FBXO36: variants seen among roughly 807,000 people sequenced by gnomAD.
FBXO36 encodes the protein F-box protein 36.
A neutral mutation model predicts 17.0 loss-of-function variants in FBXO36; 18 were observed. The observed-to-expected ratio is 1.06, with a 90% CI of 0.73 to 1.57. The LOEUF (loss-of-function observed/expected upper bound fraction) is 1.57. FBXO36 is among the 40% of genes most tolerant of loss of function. The pLI is 0.00. For missense variants in FBXO36, 229 were observed against 221.9 expected, an observed-to-expected ratio of 1.03 and a Z score of -0.20; for synonymous variants, 83 against 85.3, an observed-to-expected ratio of 0.97 and a Z score of 0.15.
At chr2:229,988,594 G>A (rs536874965) in intron 2 of FBXO36, among the ~76,000 whole-genome samples, 8 of 152,180 alleles carry the variant, frequency 5.3e-5, no homozygotes. Context: ...GAGTGCAGTG[G>A]CGCGATTTCA....
intron 1 of FBXO36, among the ~76,000 whole-genome samples, chr2:229,951,183 T>C (rs1028860690): frequency 3.3e-5 from 5 of 152,170 alleles, no homozygotes; most frequent in African/African-American, 1.2e-4. Flanking sequence ...TCCACCCACC[T>C]CAGCCTCCCA....
intron 1 of FBXO36, among the ~76,000 whole-genome samples, chr2:229,946,365 G>A (rs190316910): frequency 9.2e-5 from 14 of 152,256 alleles, no homozygotes; most frequent in African/African-American, 3.4e-4. Context: ...CTTGGAACAC[G>A]CTTTCCCCAA....
intron 1 of FBXO36, among the ~76,000 whole-genome samples, chr2:229,942,169 C>A (rs1375840957): frequency 6.6e-6 from 1 of 152,090 alleles, no homozygotes; most frequent in African/African-American, 2.4e-5. Context: ...GGCTGGGCCT[C>A]TTTGTCTGGC....
chr2:229,985,730 T>G (rs371315579), intron 2 of FBXO36, among the ~76,000 whole-genome samples: 2 of 152,194 alleles, frequency 1.3e-5, no homozygotes, highest in East Asian at 3.8e-4. Flanking sequence ...ATAATGCACA[T>G]AGTAAAACAA....
intron 2 of FBXO36, among the ~76,000 whole-genome samples, chr2:229,978,724 A>G (rs2077222833): frequency 6.6e-6 from 1 of 151,800 alleles, no homozygotes; most frequent in African/African-American, 2.4e-5. Flanking sequence ...ATCCTTGTGA[A>G]ATAAATATTA....
chr2:229,976,390 ATTAG>A (rs2077208603), intron 2 of FBXO36, 41 bp downstream of exon 2: 2 of 1,343,952 alleles, frequency 1.5e-6, no homozygotes, highest in African/African-American at 1.4e-5. Flanking sequence ...TTAAGTTCTC[ATTAG>A]TTAGTGGTAG....
At chr2:229,944,584 TTC>T (rs1160584630) in intron 1 of FBXO36, among the ~76,000 whole-genome samples, 7 of 132,130 alleles carry the variant, frequency 5.3e-5, no homozygotes, top group East Asian at 2.3e-4. Flanking sequence ...GGTATTTTTT[TTC>T]TTTTTCTTTT....
intron 3 of FBXO36, among the ~76,000 whole-genome samples, chr2:230,000,503 A>C (rs2077352798): frequency 6.6e-6 from 1 of 152,018 alleles, no homozygotes. Context: ...ATTTTCTATC[A>C]AATCCTTCCA....
At chr2:229,931,929 T>TTC (rs1163987472) in intron 1 of FBXO36, among the ~76,000 whole-genome samples, 1 of 151,500 alleles carries the variant, frequency 6.6e-6, no homozygotes, top group African/African-American at 2.4e-5. Flanking sequence ...TATTTTTTTT[T>TTC]TTTTTTAGAC....
chr2:229,930,951 A>G (rs2076935835), intron 1 of FBXO36, among the ~76,000 whole-genome samples: 2 of 152,088 alleles, frequency 1.3e-5, no homozygotes. Flanking sequence ...AGGTGTTTAT[A>G]ATAATAAACT....
chr2:229,995,481 C>T (rs2077320081), intron 2 of FBXO36, among the ~76,000 whole-genome samples: 1 of 151,576 alleles, frequency 6.6e-6, no homozygotes, highest in Admixed American at 6.6e-5. Flanking sequence ...CCTGTCTCTA[C>T]AAAAAAAAAT....
chr2:229,926,536 G>T (rs527531089), intron 1 of FBXO36, among the ~76,000 whole-genome samples: 2 of 151,552 alleles, frequency 1.3e-5, no homozygotes, highest in East Asian at 3.9e-4. Flanking sequence ...TTGAGGTCAG[G>T]AATTCAACAC....
intron 3 of FBXO36, 38 bp downstream of exon 3, chr2:229,996,961 C>T: frequency 6.4e-7 from 1 of 1,569,172 alleles, no homozygotes; most frequent in South Asian, 1.2e-5. Flanking sequence ...TAGAATTTTC[C>T]ATGTGCTTTC....
chr2:229,945,072 A>G (rs1397516903), intron 1 of FBXO36: 2 of 152,192 alleles, frequency 1.3e-5, no homozygotes, highest in Non-Finnish European at 2.9e-5. Flanking sequence ...AATATGATTT[A>G]TGACTATTCT....
At chr2:229,929,027 T>G (rs1301870459) in intron 1 of FBXO36, among the ~76,000 whole-genome samples, 2 of 150,484 alleles carry the variant, frequency 1.3e-5, no homozygotes, top group African/African-American at 2.4e-5. Context: ...CAGGCTGGAG[T>G]GCAGTGGCAT....
At chr2:229,957,581 G>C (rs981753389) in intron 1 of FBXO36, among the ~76,000 whole-genome samples, 1 of 152,076 alleles carries the variant, frequency 6.6e-6, no homozygotes, top group Admixed American at 6.6e-5. Context: ...TCTCCAAAAC[G>C]ATACAAAACA....
chr2:229,965,646 A>G (rs576117871), intron 1 of FBXO36, among the ~76,000 whole-genome samples: 1 of 151,404 alleles, frequency 6.6e-6, no homozygotes, highest in Non-Finnish European at 1.5e-5. Context: ...TGTCCTTGCA[A>G]TAGTTTGCTG....
intron 1 of FBXO36, among the ~76,000 whole-genome samples, chr2:229,950,355 G>A (rs1424707006): frequency 1.3e-5 from 2 of 152,062 alleles, no homozygotes; most frequent in Admixed American, 6.6e-5. Flanking sequence ...GAACCCAGGA[G>A]GCAGAGGTTG....
chr2:230,012,476 C>G lies in FBXO36; in HGVS notation c.*1592C>G, dbSNP rs1483319867. ...AATCTGCTTCCCAGCAGATGAGGAG[C>G]CTGACGTGGTTATGTCTGGATTTAG... is the stretch of plus-strand genomic sequence containing the variant. On this transcript the variant is annotated 3_prime_UTR_variant, in exon 4 of 4. Transcript: ENST00000283946. 2 of 147,030 alleles carry G rather than the reference C, an allele frequency of 1.4e-5. No individual in the cohort carries two copies. The highest frequency in any genetic ancestry group is 3.1e-5 in the Non-Finnish European group (2 of 64,936). The allele number at this position is 147,030 out of a possible 1,614,324, so 9.1% of individuals were successfully genotyped here. A position where few individuals can be genotyped will look rare whatever the true frequency, so the allele number is the denominator to read the frequency against.
Sources: gnomAD v4.1 joint callset for allele counts (sites outside exome capture counted in the v4.1 genomes callset) on GRCh38, gnomAD v4.1.1 for gene constraint, MANE v1.5 for transcripts, NCBI Gene and HGNC (gene_info 2026-07-23, HGNC 2026-07-21) for gene names.